The following TRAK1 variants were observed in gnomAD, a reference collection of about 807,000 sequenced individuals.
The protein encoded by TRAK1 is trafficking kinesin protein 1.
In TRAK1, 33 loss-of-function variants were observed where a neutral mutation model predicts 92.1. The observed-to-expected ratio is 0.36, with a 90% CI of 0.27 to 0.48. TRAK1 has a LOEUF of 0.48. Ranked by LOEUF, TRAK1 falls within the 20% of genes least tolerant of loss-of-function variation. TRAK1 has a pLI of 0.99. For synonymous variants in TRAK1, 521 were observed against 517.3 expected, an observed-to-expected ratio of 1.01 and a Z score of -0.10; for missense variants, 1,123 against 1,257.9, an observed-to-expected ratio of 0.89 and a Z score of 1.62.
chr3:42,134,457 T>C (rs369393181), intron 2 of TRAK1, among the ~76,000 whole-genome samples: 1 of 151,534 alleles, frequency 6.6e-6, no homozygotes, highest in Non-Finnish European at 1.5e-5. Flanking sequence ...TTAAAATGTT[T>C]TGTAGAGACA....
intron 10 of TRAK1, among the ~76,000 whole-genome samples, chr3:42,198,584 C>T (rs990856790): frequency 6.6e-6 from 1 of 152,122 alleles, no homozygotes; most frequent in Non-Finnish European, 1.5e-5. Context: ...CACGTCACGT[C>T]TGTAGAGACC....
At chr3:42,139,033 G>A (rs1698342929) in intron 2 of TRAK1, among the ~76,000 whole-genome samples, 1 of 151,924 alleles carries the variant, frequency 6.6e-6, no homozygotes, top group Admixed American at 6.6e-5. Context: ...TTGGGGTGGA[G>A]TAGGGGTTGT....
At chr3:42,124,137 T>TA (rs35151425) in intron 1 of TRAK1, among the ~76,000 whole-genome samples, 163 of 147,066 alleles carry the variant, frequency 1.1e-3, no homozygotes, top group African/African-American at 2.3e-3. Context: ...GACACTGTCT[T>TA]AAAAAAAAAA....
chr3:42,030,692 ATATATATAT>A (rs1702102621), intron 1 of TRAK1, among the ~76,000 whole-genome samples: 1 of 9,596 alleles, frequency 1.0e-4, no homozygotes, highest in African/African-American at 5.0e-4. Context: ...AAAAAAGAAT[ATATATATAT>A]ATATATATAT....
rs574407254 is a variant in TRAK1 at position 42,154,482 on chromosome 3, T to C, written c.287-22332T>C. Among the ~76,000 whole-genome samples, 11 of 152,144 alleles carry C rather than the reference T, an allele frequency of 7.2e-5. No homozygotes were observed. In the East Asian group the frequency reaches 2.1e-3, roughly 29 times the overall value. ...ACCACTGCACCCAGCCTTATTTATT[T>C]ATTTATTTATTTAGAGGCAAGGTCT... is the stretch of plus-strand genomic sequence containing the variant. On this transcript the variant is annotated intron_variant, in intron 2 of 15. Transcript: ENST00000327628.
At chr3:42,074,087 T>G (rs1324111277) in intron 1 of TRAK1, among the ~76,000 whole-genome samples, 3 of 152,208 alleles carry the variant, frequency 2.0e-5, no homozygotes, top group Non-Finnish European at 1.5e-5. Context: ...GATTCTCCAC[T>G]GGACCATGAG....
chr3:42,111,508 G>A (rs1708400268), intron 1 of TRAK1, among the ~76,000 whole-genome samples: 1 of 151,466 alleles, frequency 6.6e-6, no homozygotes, highest in South Asian at 2.1e-4. Flanking sequence ...ACATTACCCT[G>A]TCTCAGCCTC....
intron 2 of TRAK1, chr3:42,145,967 G>T (rs1364244569): frequency 7.0e-6 from 2 of 287,222 alleles, no homozygotes; most frequent in Non-Finnish European, 1.3e-5. Context: ...TATGTGTTTG[G>T]GGAAGATAAT....
At chr3:42,219,319 T>C in intron 14 of TRAK1, 175 bp from the exon 15 acceptor site, 1 of 985,070 alleles carries the variant, frequency 1.0e-6, no homozygotes, top group South Asian at 4.7e-5. Context: ...AAAATTGTGG[T>C]TATTTTTGAG....
At chr3:42,165,407 C>T (rs1233721387) in intron 2 of TRAK1, among the ~76,000 whole-genome samples, 5 of 152,248 alleles carry the variant, frequency 3.3e-5, no homozygotes, top group Non-Finnish European at 5.9e-5. Context: ...GCTGCACCTG[C>T]TGGCTGTTCA....
chr3:42,210,119 G>GAGGGT (rs1708837692), intron 14 of TRAK1, 134 bp downstream of exon 14: 2 of 1,610,386 alleles, frequency 1.2e-6, no homozygotes, highest in African/African-American at 1.3e-5. Context: ...AGGAGGAGGG[G>GAGGGT]TCTGGTGAGG....
chr3:42,105,110 C>T (rs1030860585), intron 1 of TRAK1, among the ~76,000 whole-genome samples: 2 of 152,144 alleles, frequency 1.3e-5, no homozygotes, highest in African/African-American at 2.4e-5. Flanking sequence ...TGCCACCACA[C>T]CCAGCTAATT....
At chr3:42,209,025 A>G (rs890091769) in intron 13 of TRAK1, among the ~76,000 whole-genome samples, 1 of 152,206 alleles carries the variant, frequency 6.6e-6, no homozygotes, top group Admixed American at 6.5e-5. Flanking sequence ...GTGTTATTAC[A>G]GACCTTGCAT....
intron 2 of TRAK1, among the ~76,000 whole-genome samples, chr3:42,157,195 A>C (rs922362954): frequency 1.3e-4 from 20 of 151,338 alleles, no homozygotes; most frequent in African/African-American, 4.9e-4. Context: ...ATGGTGGCTC[A>C]CACCTGTAAT....
chr3:42,066,142 A>G (rs1025318202), intron 1 of TRAK1, among the ~76,000 whole-genome samples: 16 of 152,158 alleles, frequency 1.1e-4, no homozygotes, highest in African/African-American at 3.1e-4. Flanking sequence ...CCTGGCCAAC[A>G]TGGCAAAACC....
At chr3:42,177,107 A>T (rs965723385) in intron 3 of TRAK1, among the ~76,000 whole-genome samples, 1 of 152,260 alleles carries the variant, frequency 6.6e-6, no homozygotes, top group Admixed American at 6.5e-5. Flanking sequence ...TATTAATGGC[A>T]CCAAATGTGG....
At chr3:42,194,217 C>A (rs2149439250) in intron 9 of TRAK1, among the ~76,000 whole-genome samples, 1 of 152,226 alleles carries the variant, frequency 6.6e-6, no homozygotes, top group East Asian at 1.9e-4. Context: ...TGGCTTGAAA[C>A]ATGGGTGTGA....
At chr3:42,029,359 C>T (rs1702031908) in intron 1 of TRAK1, among the ~76,000 whole-genome samples, 1 of 152,134 alleles carries the variant, frequency 6.6e-6, no homozygotes, top group African/African-American at 2.4e-5. Flanking sequence ...CCACCTCAGC[C>T]CCTCCAGTAG....
At chr3:42,217,445 C>T in intron 14 of TRAK1, 1 of 985,330 alleles carries the variant, frequency 1.0e-6, no homozygotes, top group South Asian at 4.7e-5. Flanking sequence ...TTTCCTATCC[C>T]CAAAACCCAT....
Sources: allele counts gnomAD v4.1 joint callset (sites outside exome capture counted in the v4.1 genomes callset), GRCh38; gene constraint gnomAD v4.1.1; transcripts MANE v1.5; gene names NCBI Gene and HGNC (gene_info 2026-07-23, HGNC 2026-07-21).